The following TPRG1 variants were observed in gnomAD, a reference collection of about 807,000 sequenced individuals.
TPRG1 encodes tumor protein p63 regulated 1, also known as tumor protein p63-regulated gene 1 protein.
A neutral mutation model predicts 29.3 loss-of-function variants in TPRG1; 29 were observed. That is an observed-to-expected ratio of 0.99 (90% CI 0.74 to 1.35). TPRG1 has a LOEUF of 1.35. Ranked by LOEUF, TPRG1 falls within the 40% of genes most tolerant of loss-of-function variation. The probability of loss-of-function intolerance (pLI) is 0.00; values close to 1 mark genes in which losing one functional copy is unlikely to be tolerated. For synonymous variants in TPRG1, 130 were observed against 116.8 expected (o/e 1.11, Z -0.73); for missense variants, 327 against 335.0 (o/e 0.98, Z 0.19).
At chr3:189,129,571 C>T (rs1722876666) in intron 2 of TPRG1, among the ~76,000 whole-genome samples, 2 of 152,258 alleles carry the variant, frequency 1.3e-5, no homozygotes, top group Middle Eastern at 3.4e-3. Context: ...CCCTCATTAA[C>T]TAATTTTAGC....
chr3:189,138,869 A>G (rs1465716864), intron 3 of TPRG1, among the ~76,000 whole-genome samples: 1 of 152,188 alleles, frequency 6.6e-6, no homozygotes, highest in Non-Finnish European at 1.5e-5. Context: ...AGCATGTAAT[A>G]AAGGGGTCAG....
chr3:189,199,728 C>A (rs1163134575), intron 1 of TPRG1, among the ~76,000 whole-genome samples: 1 of 152,114 alleles, frequency 6.6e-6, no homozygotes, highest in East Asian at 1.9e-4. Flanking sequence ...GTAATCCCAG[C>A]TACTCAGGAG....
At chr3:189,231,312 T>C (rs1387560677) in intron 3 of TPRG1, among the ~76,000 whole-genome samples, 1 of 146,850 alleles carries the variant, frequency 6.8e-6, no homozygotes, top group Non-Finnish European at 1.5e-5. Flanking sequence ...ATGGAATTAA[T>C]GACTTCTCTT....
intron 4 of TPRG1, chr3:189,267,861 G>A (rs1714391052): frequency 6.6e-6 from 1 of 152,224 alleles, no homozygotes; most frequent in Admixed American, 6.5e-5. Context: ...GTATGTGAAT[G>A]GTGAGTAAAT....
intron 4 of TPRG1, among the ~76,000 whole-genome samples, chr3:189,059,445 A>T (rs896206927): frequency 4.6e-5 from 7 of 152,068 alleles, no homozygotes; most frequent in Non-Finnish European, 8.8e-5. Flanking sequence ...ACAAAAAATT[A>T]GCTGGGTGTG....
At chr3:189,032,767 T>G (rs1201932271) in intron 4 of TPRG1, among the ~76,000 whole-genome samples, 1 of 102,396 alleles carries the variant, frequency 9.8e-6, no homozygotes, top group Non-Finnish European at 1.8e-5. Context: ...CCCACAACAG[T>G]CCCCAGAGTG....
chr3:189,013,416 G>A (rs1712720913), intron 3 of TPRG1, among the ~76,000 whole-genome samples: 1 of 152,124 alleles, frequency 6.6e-6, no homozygotes, highest in Non-Finnish European at 1.5e-5. Flanking sequence ...TTTTGCATTT[G>A]CTGAGGAGTG....
chr3:189,021,630 G>C (rs559285278), intron 3 of TPRG1, among the ~76,000 whole-genome samples: 4 of 152,152 alleles, frequency 2.6e-5, no homozygotes, highest in African/African-American at 9.6e-5. Context: ...TCCCTTTGAG[G>C]GTAACCTGAC....
intron 4 of TPRG1, among the ~76,000 whole-genome samples, chr3:189,025,646 T>C (rs931431885): frequency 2.6e-5 from 4 of 152,206 alleles, no homozygotes; most frequent in African/African-American, 9.6e-5. Context: ...TTCACTCTAA[T>C]GGTTGACATG....
intron 1 of TPRG1, among the ~76,000 whole-genome samples, chr3:189,108,865 A>G (rs1335394156): frequency 6.6e-6 from 1 of 151,890 alleles, no homozygotes; most frequent in Non-Finnish European, 1.5e-5. Flanking sequence ...GAAGACACCA[A>G]TCTGTTTTTC....
intron 4 of TPRG1, among the ~76,000 whole-genome samples, chr3:189,079,243 C>T (rs1373602567): frequency 1.2e-4 from 18 of 152,178 alleles, no homozygotes; most frequent in Non-Finnish European, 2.4e-4. Context: ...GCAAGCCATT[C>T]ATGAGGGATC....
At chr3:189,181,889 G>T (rs907163006) in intron 1 of TPRG1, among the ~76,000 whole-genome samples, 3 of 152,288 alleles carry the variant, frequency 2.0e-5, no homozygotes, top group Admixed American at 6.5e-5. Flanking sequence ...GAGTTTTAAT[G>T]GACTTAGAGT....
chr3:189,022,544 GGGGGTCA>G (rs1686214861), intron 3 of TPRG1, among the ~76,000 whole-genome samples: 2 of 151,540 alleles, frequency 1.3e-5, no homozygotes, highest in African/African-American at 2.4e-5. Context: ...TAGGCTGCTC[GGGGGTCA>G]GGGGTCAGGG....
At chr3:189,294,975 T>A (rs1402192481) in intron 4 of TPRG1, among the ~76,000 whole-genome samples, 1 of 152,216 alleles carries the variant, frequency 6.6e-6, no homozygotes, top group Non-Finnish European at 1.5e-5. Flanking sequence ...TTACATAAGC[T>A]TTAGGACAAT....
chr3:189,312,160 TC>T (rs1560689403), intron 5 of TPRG1, among the ~76,000 whole-genome samples: 139 of 67,448 alleles, frequency 2.1e-3, no homozygotes, highest in Admixed American at 0.014. Context: ...TTTCTTTCTT[TC>T]TTTCTTTCTT....
intron 1 of TPRG1, among the ~76,000 whole-genome samples, chr3:189,204,947 T>TCACACACACA (rs35018569): frequency 0.26 from 38,519 of 146,734 alleles, 5,106 homozygotes; most frequent in South Asian, 0.37. Flanking sequence ...TCTCTCTCTC[T>TCACACACACA]CACACACACA....
Position 189,322,868 on chromosome 3 carries a change from A to T in TPRG1, c.*2048A>T, listed in dbSNP as rs965700662. On this transcript the variant is annotated 3_prime_UTR_variant, in exon 6 of 6. Transcript: ENST00000345063. Reference sequence around the variant, plus strand: ...CTGAGAGCCAGTCTGTAACAATGGGATAAGCATTTAATGGAATCAAAGCTG... The same window carrying T: ...CTGAGAGCCAGTCTGTAACAATGGGTTAAGCATTTAATGGAATCAAAGCTG... The T allele has an allele frequency of 1.3e-5, 2 of 152,128 alleles. No individual in the cohort carries two copies. Among genetic ancestry groups the T allele is most frequent in the East Asian group, 3.9e-4 (2 of 5,188 alleles). The allele number at this position is 152,128 out of a possible 1,614,324, so 9.4% of individuals were successfully genotyped here. A position where few individuals can be genotyped will look rare whatever the true frequency, so the allele number is the denominator to read the frequency against.
intron 1 of TPRG1, among the ~76,000 whole-genome samples, chr3:189,106,374 C>T (rs1379998526): frequency 6.6e-6 from 1 of 152,096 alleles, no homozygotes; most frequent in Non-Finnish European, 1.5e-5. Flanking sequence ...CTCTGAAAAG[C>T]TTTTTCTTAA....
intron 4 of TPRG1, among the ~76,000 whole-genome samples, chr3:189,057,891 TAC>T (rs1237989706): frequency 6.8e-6 from 1 of 147,376 alleles, no homozygotes; most frequent in Non-Finnish European, 1.5e-5. Context: ...TATATACGTA[TAC>T]ACATATATAC....
Sources: allele counts gnomAD v4.1 joint callset (sites outside exome capture counted in the v4.1 genomes callset), GRCh38; gene constraint gnomAD v4.1.1; transcripts MANE v1.5; gene names NCBI Gene and HGNC (gene_info 2026-07-23, HGNC 2026-07-21).